TTLL5: variants seen among roughly 807,000 people sequenced by gnomAD.
The protein encoded by TTLL5 is tubulin polyglutamylase TTLL5.
TTLL5 carries 132 observed loss-of-function variants against 168.4 expected under a neutral mutation model. The observed-to-expected ratio is 0.78, with a 90% confidence interval of 0.68 to 0.91. The LOEUF is 0.91. Ranked by LOEUF, TTLL5 falls within the 40% of genes least tolerant of loss-of-function variation. The pLI is 0.00. For missense variants in TTLL5, 1,545 were observed against 1,581.5 expected, an observed-to-expected ratio of 0.98 and a Z score of 0.39; for synonymous variants, 546 against 558.6, an observed-to-expected ratio of 0.98 and a Z score of 0.32.
intron 30 of TTLL5, among the ~76,000 whole-genome samples, chr14:75,888,934 C>CA (rs2032255161): frequency 4.3e-5 from 1 of 23,104 alleles, no homozygotes; most frequent in East Asian, 1.7e-3. Context: ...AGACTGTCTC[C>CA]GAAAAAAAAA....
At chr14:75,706,943 A>G (rs1886702601) in intron 7 of TTLL5, 75 bp from the exon 8 acceptor site, 1 of 1,289,640 alleles carries the variant, frequency 7.8e-7, no homozygotes, top group Non-Finnish European at 1.1e-6. Context: ...TTAAAGGTTA[A>G]GAACTTTGCT....
chr14:75,668,002 G>C (rs1440143713), intron 2 of TTLL5, among the ~76,000 whole-genome samples: 1 of 151,914 alleles, frequency 6.6e-6, no homozygotes, highest in Non-Finnish European at 1.5e-5. Context: ...CTCGTGATCT[G>C]TCTGCCTCGG....
At chr14:75,791,448 T>C (rs182472091) in intron 26 of TTLL5, among the ~76,000 whole-genome samples, 1 of 152,296 alleles carries the variant, frequency 6.6e-6, no homozygotes, top group East Asian at 1.9e-4. Context: ...CCAGGAAATA[T>C]CTATATTAGG....
At chr14:75,721,141 C>G (rs907319769) in intron 12 of TTLL5, among the ~76,000 whole-genome samples, 3 of 152,004 alleles carry the variant, frequency 2.0e-5, no homozygotes, top group African/African-American at 7.3e-5. Flanking sequence ...TAGTGTGTTC[C>G]TCCCCCTCCT....
intron 26 of TTLL5, among the ~76,000 whole-genome samples, chr14:75,788,356 A>G (rs979574494): frequency 6.6e-6 from 1 of 152,122 alleles, no homozygotes; most frequent in African/African-American, 2.4e-5. Context: ...GCCTAATAAA[A>G]TGGACAAACC....
chr14:75,905,863 G>T (rs781204931), intron 31 of TTLL5, among the ~76,000 whole-genome samples: 1 of 152,082 alleles, frequency 6.6e-6, no homozygotes, highest in Non-Finnish European at 1.5e-5. Flanking sequence ...TCCTGTTCTG[G>T]AGCCCAACCT....
Position 75,734,065 on chromosome 14 carries a change from T to G in TTLL5, c.1186+15T>G, listed in dbSNP as rs377393780. ...CACTGTTGTAGGTGAGTAGTAGTAT[T>G]TTCTGAACTGGACTCACATAAAAAT... On this transcript the variant is annotated intron_variant, in intron 14 of 31. Transcript: ENST00000298832. 2.5e-6 allele frequency: 4 copies of G among 1,612,820 alleles called. No individual in the cohort carries two copies. Among genetic ancestry groups the G allele is most frequent in the Admixed American group, 1.7e-5 (1 of 59,986 alleles).
intron 28 of TTLL5, among the ~76,000 whole-genome samples, chr14:75,847,132 G>C (rs1053121633): frequency 6.6e-6 from 1 of 151,882 alleles, no homozygotes; most frequent in South Asian, 2.1e-4. Context: ...CTCCCAAGTA[G>C]CTGGGATTAT....
chr14:75,666,309 T>C (rs1883256301), intron 2 of TTLL5, among the ~76,000 whole-genome samples: 1 of 152,248 alleles, frequency 6.6e-6, no homozygotes, highest in Admixed American at 6.5e-5. Flanking sequence ...CTTGCAATCG[T>C]GGACTTCAGG....
chr14:75,868,113 G>A (rs900723048), intron 29 of TTLL5, among the ~76,000 whole-genome samples: 2 of 152,110 alleles, frequency 1.3e-5, no homozygotes, highest in African/African-American at 4.8e-5. Flanking sequence ...AGGACAGAGC[G>A]ATTACTCAGT....
At chr14:75,909,766 G>A (rs1272066383) in intron 31 of TTLL5, among the ~76,000 whole-genome samples, 2 of 152,244 alleles carry the variant, frequency 1.3e-5, no homozygotes, top group African/African-American at 4.8e-5. Flanking sequence ...TTACACAAGT[G>A]ATGTTTTAAC....
chr14:75,952,699 A>G (rs915720837), intron 31 of TTLL5, among the ~76,000 whole-genome samples: 1 of 152,238 alleles, frequency 6.6e-6, no homozygotes, highest in East Asian at 1.9e-4. Context: ...TAGAGTAGTG[A>G]TGCATGCTAC....
chr14:75,767,379 G>A (rs541738865), intron 20 of TTLL5, among the ~76,000 whole-genome samples: 91 of 152,276 alleles, frequency 6.0e-4, no homozygotes, highest in African/African-American at 2.1e-3. Context: ...ATGCTGTCAG[G>A]ACAATAAGAT....
At chr14:75,790,165 C>T (rs1892614324) in intron 26 of TTLL5, among the ~76,000 whole-genome samples, 1 of 152,068 alleles carries the variant, frequency 6.6e-6, no homozygotes, top group Non-Finnish European at 1.5e-5. Flanking sequence ...GAAATTAGAT[C>T]CCTGCCTCAC....
At chr14:75,733,466 CT>C (rs1371504051) in intron 13 of TTLL5, among the ~76,000 whole-genome samples, 1 of 148,808 alleles carries the variant, frequency 6.7e-6, no homozygotes, top group Non-Finnish European at 1.5e-5. Context: ...TTTTTTTTTT[CT>C]TTTTTTGCCG....
chr14:75,700,134 G>A (rs2140157048), intron 7 of TTLL5, among the ~76,000 whole-genome samples: 1 of 152,258 alleles, frequency 6.6e-6, no homozygotes, highest in South Asian at 2.1e-4. Context: ...CCAACTCTTG[G>A]ACTTCTAAAG....
chr14:75,673,813 C>G (rs753743332), intron 3 of TTLL5, among the ~76,000 whole-genome samples: 1 of 152,162 alleles, frequency 6.6e-6, no homozygotes, highest in Non-Finnish European at 1.5e-5. Context: ...CCCAAGGATC[C>G]TTGTGTTCTA....
intron 31 of TTLL5, among the ~76,000 whole-genome samples, chr14:75,940,077 C>CT (rs5809741): frequency 0.018 from 1,403 of 78,802 alleles, 46 homozygotes; most frequent in Non-Finnish European, 0.021. Flanking sequence ...GAAATTAAAT[C>CT]TTTTTTTTTT....
At position 75,718,515 on chromosome 14, in the gene TTLL5, A is replaced by C. The variant is rs554374565; in HGVS notation, c.842+553A>C. Among the ~76,000 whole-genome samples, 6 of 152,230 alleles carry C rather than the reference A, an allele frequency of 3.9e-5. No individual in the cohort carries two copies. In the East Asian group the frequency reaches 1.2e-3, roughly 29 times the overall value. ...TATCTAAAGCTGCTTATTTTTGCTG[A>C]GGGGGGAGGAAAAAAAGACCAGAAG... On this transcript the variant is annotated intron_variant, in intron 10 of 31. Transcript: ENST00000298832.
Sources: gnomAD v4.1 joint callset for allele counts (sites outside exome capture counted in the v4.1 genomes callset) on GRCh38, gnomAD v4.1.1 for gene constraint, MANE v1.5 for transcripts, NCBI Gene and HGNC (gene_info 2026-07-23, HGNC 2026-07-21) for gene names.